Variants in NACC2 observed in about 807,000 individuals in gnomAD.
NACC2 encodes NACC family member 2, also known as nucleus accumbens-associated protein 2.
NACC2 carries 8 observed loss-of-function variants against 25.1 expected under a neutral mutation model. The ratio of observed to expected loss-of-function variants is 0.32; its 90% CI spans 0.19 to 0.57. The LOEUF (loss-of-function observed/expected upper bound fraction) is 0.57. Among genes scored for constraint, NACC2 ranks in the 20% least tolerant of loss-of-function variants. The pLI, the probability that NACC2 is intolerant of heterozygous loss-of-function variation, is 0.89. For missense variants in NACC2, 644 were observed against 650.2 expected (o/e 0.99, Z 0.10); for synonymous variants, 435 against 294.7 (o/e 1.48, Z -4.88).
intron 5 of NACC2, among the ~76,000 whole-genome samples, chr9:136,012,776 C>T (rs2131131305): frequency 6.6e-6 from 1 of 152,212 alleles, no homozygotes; most frequent in East Asian, 1.9e-4. Context: ...CAGCATCTTC[C>T]ACATCTGGGG....
chr9:136,086,504 C>G lies in NACC2; in HGVS notation c.-60+8685G>C, dbSNP rs569115432. ...TGTGGGCCCCAGGGACGTCGCATGC[C>G]CCCAGCTTCCCGACAGCCATCTGCC... On this transcript the variant is annotated intron_variant, in intron 1 of 5. Transcript: ENST00000277554. The surrounding 1 kb of genome is among the most constrained non-coding windows in gnomAD (Gnocchi z 5.6). Among the ~76,000 whole-genome samples the G allele has an allele frequency of 2.1e-4, 32 of 152,224 alleles. No homozygotes were observed. In the South Asian group the frequency reaches 6.0e-3, roughly 29 times the overall value.
chr9:136,051,104 C>T (rs1840826701), intron 1 of NACC2, among the ~76,000 whole-genome samples: 1 of 152,202 alleles, frequency 6.6e-6, no homozygotes, highest in South Asian at 2.1e-4. Context: ...CTCCGAGCAG[C>T]CTCGCAGAGG....
At chr9:136,068,499 CAAAAAA>C (rs58780352) in intron 1 of NACC2, among the ~76,000 whole-genome samples, 3 of 100,086 alleles carry the variant, frequency 3.0e-5, no homozygotes. Context: ...AACTCCGTCT[CAAAAAA>C]AAAAAAAAAA....
chr9:136,081,119 G>A (rs1043288089), intron 1 of NACC2, among the ~76,000 whole-genome samples: 2 of 152,184 alleles, frequency 1.3e-5, no homozygotes, highest in African/African-American at 4.8e-5. Context: ...TCGTAACACA[G>A]GAAACCATTC....
intron 1 of NACC2, among the ~76,000 whole-genome samples, chr9:136,092,808 T>C (rs1830446507): frequency 6.6e-6 from 1 of 152,098 alleles, no homozygotes; most frequent in Non-Finnish European, 1.5e-5. Context: ...GGGTAAGGGG[T>C]GCCACCTGCT....
chr9:136,063,174 A>G (rs986822127), intron 1 of NACC2, among the ~76,000 whole-genome samples: 5 of 152,128 alleles, frequency 3.3e-5, no homozygotes, highest in Non-Finnish European at 5.9e-5. Flanking sequence ...TTTGAGCCGC[A>G]TTCCCATTAC....
chr9:136,080,680 CTTATCTGATTTGGAGGTCGT>C (rs1830313457), intron 1 of NACC2, among the ~76,000 whole-genome samples: 1 of 152,206 alleles, frequency 6.6e-6, no homozygotes, highest in Non-Finnish European at 1.5e-5. Context: ...GGAGCTCTTG[CTTATCTGATTTGGAGGTCGT>C]GGAGTGTGGG....
rs979358268 is a variant in NACC2, at chr9:136,043,969, C to T, written c.886+5667G>A. Among the ~76,000 whole-genome samples the T allele has an allele frequency of 3.5e-3, 532 of 152,206 alleles. 10 individuals carry two copies. In the South Asian group the frequency reaches 0.048, roughly 14 times the overall value. ...CCTCCAGAGTAGCTGGGACTACAAG[C>T]GTGCATCACCACACCCGGCTAATTT... On this transcript the variant is annotated intron_variant, in intron 2 of 5. Coordinates refer to ENST00000277554, the MANE Select transcript of NACC2 (RefSeq NM_144653.5).
rs1393837990 is a variant in NACC2 at position 136,007,060 on chromosome 9, ATATT to A, written c.*4452_*4455del. On this transcript the variant is annotated 3_prime_UTR_variant, in exon 6 of 6. Coordinates refer to ENST00000277554, the MANE Select transcript of NACC2 (RefSeq NM_144653.5). ...TGCCATCCAAATCTTCAAGTCAAAA[ATATT>A]TATACATTTTATACTTAGTTCTTTT... 6.5e-6 allele frequency: 1 copy of A among 154,360 alleles called. No homozygotes were observed. The highest frequency in any genetic ancestry group is 1.5e-5 in the Non-Finnish European group (1 of 68,222). 9.6% of individuals were successfully genotyped at this position (154,360 alleles called of 1,614,324 possible).
chr9:136,032,177 A>T (rs4842080), intron 2 of NACC2, among the ~76,000 whole-genome samples: 74,551 of 152,140 alleles, frequency 0.49, 21,324 homozygotes, highest in Non-Finnish European at 0.66. Flanking sequence ...AGGGGAAGGA[A>T]TATCAGCGAG....
intron 2 of NACC2, among the ~76,000 whole-genome samples, chr9:136,026,445 A>G (rs1410086400): frequency 6.6e-6 from 1 of 152,020 alleles, no homozygotes; most frequent in East Asian, 1.9e-4. Flanking sequence ...CCTAACATAC[A>G]TGTAACTGGA....
chr9:136,016,005 CCTAA>C (rs1840196390), intron 3 of NACC2, among the ~76,000 whole-genome samples: 1 of 152,114 alleles, frequency 6.6e-6, no homozygotes, highest in Non-Finnish European at 1.5e-5. Context: ...TTATCTGTGA[CCTAA>C]ATTAAAACAC....
At chr9:136,017,500 C>A (rs946723500) in intron 2 of NACC2, among the ~76,000 whole-genome samples, 2 of 152,126 alleles carry the variant, frequency 1.3e-5, no homozygotes, top group African/African-American at 2.4e-5. Context: ...GGGGCTCCCA[C>A]TTCCCTGTTG....
chr9:136,013,796 T>A lies in NACC2; in HGVS notation c.1157+68A>T. The A allele has an allele frequency of 1.5e-6, 2 of 1,368,724 alleles. No individual in the cohort carries two copies. Among genetic ancestry groups the A allele is most frequent in the Non-Finnish European group, 2.1e-6 (2 of 973,360 alleles). The allele number at this position is 1,368,724 out of a possible 1,614,324, so 84.8% of individuals were successfully genotyped here. A position where few individuals can be genotyped will look rare whatever the true frequency, so the allele number is the denominator to read the frequency against. ...CCACAACCCTGGACGATCAGACAGC[T>A]CATAGCTAAAGGAGCCAGAACCCTC... On this transcript the variant is annotated intron_variant, in intron 4 of 5. Coordinates refer to ENST00000277554, the MANE Select transcript of NACC2 (RefSeq NM_144653.5). This position sits in a 1 kb window ranked among gnomAD's most constrained non-coding sequence, Gnocchi z 6.6.
intron 1 of NACC2, among the ~76,000 whole-genome samples, chr9:136,072,065 C>T (rs1841160603): frequency 6.6e-6 from 1 of 151,734 alleles, no homozygotes; most frequent in South Asian, 2.1e-4. Context: ...TGGTGAAACC[C>T]CGTCTGTACT....
intron 2 of NACC2, among the ~76,000 whole-genome samples, chr9:136,032,091 C>T (rs1162977081): frequency 6.9e-6 from 1 of 145,922 alleles, no homozygotes; most frequent in African/African-American, 2.8e-5. Flanking sequence ...GGGATCCCAC[C>T]GGCCTTTTCT....
chr9:136,026,387 C>T (rs951173742), intron 2 of NACC2, among the ~76,000 whole-genome samples: 5 of 138,378 alleles, frequency 3.6e-5, no homozygotes, highest in Non-Finnish European at 7.9e-5. Flanking sequence ...ATAGAAAATA[C>T]AGAAAACAGA....
Position 136,011,912 on chromosome 9 carries a change from C to G in NACC2, c.1368G>C (p.Lys456Asn), listed in dbSNP as rs2131130416. The G allele has an allele frequency of 6.3e-7, 1 of 1,593,260 alleles. No individual in the cohort carries two copies. Among genetic ancestry groups the G allele is most frequent in the Non-Finnish European group, 8.5e-7 (1 of 1,172,220 alleles). ...RVRKRWLPKI[K>N]SMLPEGVEMY... ...TCTCCACGCCCTCCGGCAGCATGGA[C>G]TTGATCTTGGGCAGCCAGCGCTTGC... Residue 456 changes from lysine to asparagine, a missense_variant, in exon 6 of 6, where the codon AAG becomes AAC. By Grantham distance (94) the Lys-to-Asn change is moderately conservative. Coordinates refer to ENST00000277554, the MANE Select transcript of NACC2 (RefSeq NM_144653.5).
chr9:136,025,046 G>A (rs1233859541), intron 2 of NACC2, among the ~76,000 whole-genome samples: 2 of 152,234 alleles, frequency 1.3e-5, no homozygotes, highest in Non-Finnish European at 2.9e-5. Flanking sequence ...AAAAAACAAG[G>A]AAATCTAGAA....
Sources: allele counts gnomAD v4.1 joint callset (sites outside exome capture counted in the v4.1 genomes callset), GRCh38; gene constraint gnomAD v4.1.1; non-coding constraint Gnocchi (gnomAD v3.1); transcripts MANE v1.5; gene names NCBI Gene and HGNC (gene_info 2026-07-23, HGNC 2026-07-21).